The following EIF4G3 variants were observed in gnomAD, a reference collection of about 807,000 sequenced individuals.
The protein encoded by EIF4G3 is eukaryotic translation initiation factor 4 gamma 3.
A neutral mutation model predicts 186.4 loss-of-function variants in EIF4G3; 34 were observed. That is an observed-to-expected ratio of 0.18 (90% CI 0.14 to 0.24). EIF4G3 has a LOEUF of 0.24. EIF4G3 is among the 10% of genes least tolerant of loss of function. The pLI is 1.00. For synonymous variants in EIF4G3, 673 were observed against 679.5 expected, an observed-to-expected ratio of 0.99 and a Z score of 0.15; for missense variants, 1,536 against 1,948.5, an observed-to-expected ratio of 0.79 and a Z score of 3.99.
chr1:20,813,362 A>T, intron 34 of EIF4G3, 123 bp from the exon 35 acceptor site: 1 of 447,836 alleles, frequency 2.2e-6, no homozygotes, highest in Non-Finnish European at 4.2e-6. Flanking sequence ...CTAGGAGTTG[A>T]GACCAGTCTG....
intron 2 of EIF4G3, among the ~76,000 whole-genome samples, chr1:21,138,597 C>A (rs1202942871): frequency 6.6e-6 from 1 of 152,046 alleles, no homozygotes; most frequent in Non-Finnish European, 1.5e-5. Context: ...GCAGGTAGAT[C>A]ACTTCAGGTC....
intron 2 of EIF4G3, among the ~76,000 whole-genome samples, chr1:21,123,560 CT>C (rs1225576315): frequency 7.4e-6 from 1 of 134,904 alleles, no homozygotes; most frequent in Non-Finnish European, 1.6e-5. Context: ...GCAAGACTGT[CT>C]CAAAAAAAAA....
At chr1:21,101,665 AACAG>A (rs1334521573) in intron 2 of EIF4G3, among the ~76,000 whole-genome samples, 4 of 151,374 alleles carry the variant, frequency 2.6e-5, no homozygotes, top group Non-Finnish European at 4.4e-5. Flanking sequence ...GACTCATTCC[AACAG>A]ACATTCCTCC....
At chr1:21,052,909 G>A (rs1339588156) in intron 3 of EIF4G3, among the ~76,000 whole-genome samples, 2 of 152,256 alleles carry the variant, frequency 1.3e-5, no homozygotes, top group African/African-American at 4.8e-5. Context: ...CTGGAGTGCA[G>A]TGGCGTGATC....
intron 2 of EIF4G3, among the ~76,000 whole-genome samples, chr1:21,140,170 T>C (rs1291880323): frequency 1.3e-5 from 2 of 152,240 alleles, no homozygotes; most frequent in Non-Finnish European, 2.9e-5. Flanking sequence ...TCTAGACATT[T>C]GTGGATAACC....
intron 2 of EIF4G3, among the ~76,000 whole-genome samples, chr1:21,143,897 G>A (rs1463279931): frequency 1.3e-5 from 2 of 152,072 alleles, no homozygotes; most frequent in Non-Finnish European, 2.9e-5. Context: ...ACTCCAGCCT[G>A]GGTGACAGAG....
intron 28 of EIF4G3, among the ~76,000 whole-genome samples, chr1:20,849,963 T>G (rs1037169336): frequency 2.0e-5 from 3 of 152,162 alleles, no homozygotes; most frequent in African/African-American, 7.2e-5. Context: ...TCTGGAGTGC[T>G]CTTTCCCTCT....
Position 20,847,773 on chromosome 1 carries a change from G to C in EIF4G3, c.3888+1642C>G, listed in dbSNP as rs959802976. Reference sequence around the variant, plus strand: ...TTCCCGTTAATGTTCATTTACTTTGGTACATTTCCAACAGTTTCTGCAAAG... The same window carrying C: ...TTCCCGTTAATGTTCATTTACTTTGCTACATTTCCAACAGTTTCTGCAAAG... On this transcript the variant is annotated intron_variant, in intron 29 of 36. Coordinates refer to ENST00000602326, the MANE Select transcript of EIF4G3 (RefSeq NM_001391906.1). 34 of 471,174 alleles carry C rather than the reference G, an allele frequency of 7.2e-5. 2 individuals are homozygous for C. In the Admixed American group the frequency reaches 8.0e-4, roughly 11 times the overall value. 29.2% of individuals were successfully genotyped at this position (471,174 alleles called of 1,614,324 possible). A position where few individuals can be genotyped will look rare whatever the true frequency, so the allele number is the denominator to read the frequency against.
chr1:21,088,584 C>T (rs1039948807), intron 3 of EIF4G3, among the ~76,000 whole-genome samples: 2 of 151,534 alleles, frequency 1.3e-5, no homozygotes, highest in Non-Finnish European at 3.0e-5. Flanking sequence ...ACTCAAGAGT[C>T]CAAAAAGAAT....
intron 4 of EIF4G3, among the ~76,000 whole-genome samples, chr1:21,047,365 A>G (rs2093949570): frequency 6.6e-6 from 1 of 152,188 alleles, no homozygotes; most frequent in South Asian, 2.1e-4. Context: ...ATCAAGACAG[A>G]CTTTTCATTT....
chr1:21,122,955 T>C (rs1330800616), intron 2 of EIF4G3, among the ~76,000 whole-genome samples: 2 of 152,190 alleles, frequency 1.3e-5, no homozygotes, highest in South Asian at 4.1e-4. Context: ...ATTACACGGT[T>C]GGAACATGAA....
intron 2 of EIF4G3, among the ~76,000 whole-genome samples, chr1:21,166,960 T>C (rs1573688089): frequency 1.3e-5 from 2 of 152,032 alleles, no homozygotes; most frequent in African/African-American, 4.8e-5. Flanking sequence ...TTTTGTATTT[T>C]CTGTAAAGAC....
chr1:20,941,918 A>T lies in EIF4G3; in HGVS notation c.1236T>A (p.Ile412=). Residue 412 remains isoleucine (I), a synonymous_variant, in exon 14 of 37, where the codon ATT becomes ATA. Transcript: ENST00000602326. ...TTTCGCTAACTCCATTTATTTCATT[A>T]ATTAGGTTAGTACTAGAAACCAGTG... ...DIPLVSSTNL[I]NEINGVSEKL... 1.2e-6 allele frequency: 2 copies of T among 1,614,142 alleles called. No individual in the cohort carries two copies. Among genetic ancestry groups the T allele is most frequent in the Non-Finnish European group, 1.7e-6 (2 of 1,180,018 alleles).
intron 15 of EIF4G3, 86 bp downstream of exon 15, chr1:20,904,797 A>G (rs1475319233): frequency 1.1e-6 from 1 of 912,828 alleles, no homozygotes; most frequent in East Asian, 2.7e-5. Context: ...TTGCTTGGAA[A>G]ACTATTTCAA....
intron 16 of EIF4G3, 74 bp from the exon 17 acceptor site, chr1:20,895,575 G>C (rs1001630961): frequency 2.0e-6 from 3 of 1,486,846 alleles, no homozygotes; most frequent in African/African-American, 2.8e-5. Context: ...ACGATGTTTC[G>C]ATCAATAACA....
intron 2 of EIF4G3, among the ~76,000 whole-genome samples, chr1:21,105,325 G>C (rs555911659): frequency 6.6e-6 from 1 of 152,192 alleles, no homozygotes; most frequent in South Asian, 2.1e-4. Context: ...AGCTACTCAG[G>C]TGGCTGAGGC....
At chr1:21,129,489 G>A (rs1461116900) in intron 2 of EIF4G3, among the ~76,000 whole-genome samples, 4 of 151,170 alleles carry the variant, frequency 2.6e-5, no homozygotes, top group Non-Finnish European at 4.4e-5. Flanking sequence ...ATCTCTCACA[G>A]TTGCTCATAA....
chr1:20,855,352 G>A (rs754021002), intron 25 of EIF4G3, among the ~76,000 whole-genome samples: 4 of 152,216 alleles, frequency 2.6e-5, no homozygotes, highest in Non-Finnish European at 4.4e-5. Context: ...TTTGCTAACT[G>A]TAATAAGCAG....
At chr1:20,812,592 A>G (rs2059467679) in intron 35 of EIF4G3, among the ~76,000 whole-genome samples, 1 of 152,168 alleles carries the variant, frequency 6.6e-6, no homozygotes, top group South Asian at 2.1e-4. Context: ...AGATGTCTTC[A>G]TTGAATAATG....
Sources: allele counts gnomAD v4.1 joint callset (sites outside exome capture counted in the v4.1 genomes callset), GRCh38; gene constraint gnomAD v4.1.1; transcripts MANE v1.5; gene names NCBI Gene and HGNC (gene_info 2026-07-23, HGNC 2026-07-21).